LDLRAD4: variants seen among roughly 807,000 people sequenced by gnomAD.
The protein encoded by LDLRAD4 is low density lipoprotein receptor class A domain containing 4, also known as low-density lipoprotein receptor class A domain-containing protein 4.
Under a neutral mutation model 17.0 loss-of-function variants are expected in LDLRAD4, and 5 were observed. The ratio of observed to expected loss-of-function variants is 0.29; its 90% CI spans 0.15 to 0.62. LDLRAD4 has a LOEUF of 0.62. LDLRAD4 is among the 20% of genes least tolerant of loss of function. LDLRAD4 has a pLI of 0.84. For missense variants in LDLRAD4, 340 were observed against 424.7 expected, an observed-to-expected ratio of 0.80 and a Z score of 1.75; for synonymous variants, 168 against 171.8, an observed-to-expected ratio of 0.98 and a Z score of 0.17.
rs868024607 is a variant in LDLRAD4, at chr18:13,359,158, T to A, written c.-382-28183T>A. ...AACCTGTGCTCAGCCTCAGGCTTTGTGCACAAGGACAGGCATTGACACACT... is the reference window on the plus strand; with the variant it reads ...AACCTGTGCTCAGCCTCAGGCTTTGAGCACAAGGACAGGCATTGACACACT... On this transcript the variant is annotated intron_variant, in intron 1 of 5. Coordinates refer to ENST00000359446, the Ensembl canonical transcript of LDLRAD4. 5.4e-3 allele frequency among the ~76,000 whole-genome samples: 824 copies of A among 152,302 alleles called. 7 individuals carry two copies. The highest frequency in any genetic ancestry group is 0.019 in the African/African-American group (787 of 41,562).
At chr18:13,426,957 G>A (rs1306891106) in intron 2 of LDLRAD4, among the ~76,000 whole-genome samples, 2 of 152,090 alleles carry the variant, frequency 1.3e-5, no homozygotes, top group Non-Finnish European at 2.9e-5. Flanking sequence ...AGGCTGAGGC[G>A]GGCGGATCAC....
intron 2 of LDLRAD4, among the ~76,000 whole-genome samples, chr18:13,413,768 GGA>G (rs1349535400): frequency 1.3e-5 from 2 of 152,114 alleles, no homozygotes; most frequent in Admixed American, 1.3e-4. Context: ...CTTCTTTCTA[GGA>G]GAGAGTATGG....
chr18:13,495,723 C>T (rs879902468), intron 3 of LDLRAD4, among the ~76,000 whole-genome samples: 6 of 152,056 alleles, frequency 3.9e-5, no homozygotes, highest in East Asian at 1.9e-4. Context: ...CTTCAAAGGT[C>T]GTAGGGCCCA....
At chr18:13,473,856 A>G (rs2092863141) in intron 3 of LDLRAD4, among the ~76,000 whole-genome samples, 1 of 151,330 alleles carries the variant, frequency 6.6e-6, no homozygotes, top group Admixed American at 6.6e-5. Flanking sequence ...CCCCAGACAA[A>G]TAGGACCCAT....
intron 3 of LDLRAD4, among the ~76,000 whole-genome samples, chr18:13,525,618 G>T (rs955091800): frequency 2.0e-5 from 3 of 152,240 alleles, no homozygotes; most frequent in African/African-American, 7.2e-5. Context: ...CATCTGCCGG[G>T]GTGACCCACA....
At chr18:13,344,454 G>T (rs2082560149) in intron 1 of LDLRAD4, among the ~76,000 whole-genome samples, 1 of 152,124 alleles carries the variant, frequency 6.6e-6, no homozygotes, top group Non-Finnish European at 1.5e-5. Context: ...CTTTGTTTTG[G>T]TACCAGTACC....
chr18:13,514,031 C>T (rs929732881), intron 3 of LDLRAD4, among the ~76,000 whole-genome samples: 2 of 152,226 alleles, frequency 1.3e-5, no homozygotes, highest in Non-Finnish European at 2.9e-5. Flanking sequence ...AGACTTTTGC[C>T]TCTTGCCAGG....
At chr18:13,219,533 G>A (rs1008665717) in intron 1 of LDLRAD4, among the ~76,000 whole-genome samples, 16 of 152,302 alleles carry the variant, frequency 1.1e-4, no homozygotes, top group African/African-American at 3.6e-4. Flanking sequence ...GGCCTACTAT[G>A]TGTTAGGCAT....
chr18:13,449,263 C>T (rs774423752), intron 3 of LDLRAD4, among the ~76,000 whole-genome samples: 1 of 152,190 alleles, frequency 6.6e-6, no homozygotes, highest in South Asian at 2.1e-4. Context: ...GGGGCACCTT[C>T]TTGCCCTAGA....
At chr18:13,542,735 T>C (rs1211342109) in intron 3 of LDLRAD4, among the ~76,000 whole-genome samples, 1 of 152,180 alleles carries the variant, frequency 6.6e-6, no homozygotes, top group African/African-American at 2.4e-5. Context: ...CTGGTTTTTC[T>C]TTTGGGTCCT....
chr18:13,470,286 C>T (rs187895121), intron 3 of LDLRAD4, among the ~76,000 whole-genome samples: 23 of 152,044 alleles, frequency 1.5e-4, no homozygotes, highest in Non-Finnish European at 1.9e-4. Context: ...GTGTTTCCTG[C>T]GTATTTTCTC....
intron 3 of LDLRAD4, among the ~76,000 whole-genome samples, chr18:13,534,289 A>G (rs1380528196): frequency 6.6e-6 from 1 of 152,198 alleles, no homozygotes; most frequent in Non-Finnish European, 1.5e-5. Context: ...TACGTTTGGT[A>G]TTTGGCCTTC....
At chr18:13,537,487 A>G (rs1383037632) in intron 3 of LDLRAD4, among the ~76,000 whole-genome samples, 2 of 152,268 alleles carry the variant, frequency 1.3e-5, no homozygotes, top group East Asian at 3.9e-4. Context: ...ACAGTTCATA[A>G]TGGGGCTCAC....
intron 1 of LDLRAD4, among the ~76,000 whole-genome samples, chr18:13,321,353 C>T (rs899775550): frequency 1.3e-5 from 2 of 152,226 alleles, no homozygotes; most frequent in South Asian, 2.1e-4. Context: ...CTGGGCCTAT[C>T]GCCGTGTGAT....
At chr18:13,490,834 C>T (rs529026050) in intron 3 of LDLRAD4, among the ~76,000 whole-genome samples, 1 of 152,296 alleles carries the variant, frequency 6.6e-6, no homozygotes, top group East Asian at 1.9e-4. Flanking sequence ...GCAGGATGTG[C>T]ATTTTTGCAC....
At chr18:13,529,187 C>A (rs1439281965) in intron 3 of LDLRAD4, among the ~76,000 whole-genome samples, 1 of 152,210 alleles carries the variant, frequency 6.6e-6, no homozygotes, top group Admixed American at 6.5e-5. Flanking sequence ...CCCCAGCCAC[C>A]CCCTCATTTG....
At chr18:13,642,248 G>C in intron 4 of LDLRAD4, 2 of 986,940 alleles carry the variant, frequency 2.0e-6, no homozygotes, top group Non-Finnish European at 2.4e-6. Flanking sequence ...CGGGGCCGTC[G>C]GAGGCTCAGT....
chr18:13,485,968 G>A (rs931416284), intron 3 of LDLRAD4, among the ~76,000 whole-genome samples: 1 of 152,218 alleles, frequency 6.6e-6, no homozygotes, highest in Non-Finnish European at 1.5e-5. Flanking sequence ...AAAGGGTAAA[G>A]CTTTATTCAT....
At chr18:13,593,758 CT>C (rs1319738996) in intron 3 of LDLRAD4, among the ~76,000 whole-genome samples, 4 of 152,112 alleles carry the variant, frequency 2.6e-5, no homozygotes, top group Non-Finnish European at 4.4e-5. Flanking sequence ...AACAGCTCTC[CT>C]TCCTACCCTC....
Sources: allele counts gnomAD v4.1 joint callset (sites outside exome capture counted in the v4.1 genomes callset), GRCh38; gene constraint gnomAD v4.1.1; transcripts MANE v1.5; gene names NCBI Gene and HGNC (gene_info 2026-07-23, HGNC 2026-07-21).